The following CRYL1 variants were observed in gnomAD, a reference collection of about 807,000 sequenced individuals.
CRYL1 encodes the protein crystallin lambda 1, also known as lambda-crystallin homolog.
Under a neutral mutation model 36.6 loss-of-function variants are expected in CRYL1, and 29 were observed. The ratio of observed to expected loss-of-function variants is 0.79; its 90% CI spans 0.59 to 1.08. CRYL1 has a LOEUF of 1.08. Among genes scored for constraint, CRYL1 ranks in the 50% least tolerant of loss-of-function variants. The pLI, the probability that CRYL1 is intolerant of heterozygous loss-of-function variation, is 0.00. For synonymous variants in CRYL1, 152 were observed against 151.5 expected, an observed-to-expected ratio of 1.00 and a Z score of -0.02; for missense variants, 411 against 407.9, an observed-to-expected ratio of 1.01 and a Z score of -0.06.
intron 2 of CRYL1, among the ~76,000 whole-genome samples, chr13:20,489,799 C>A (rs561145801): frequency 6.6e-6 from 1 of 152,114 alleles, no homozygotes; most frequent in South Asian, 2.1e-4. Context: ...TGGGTATAAA[C>A]CCAAAATAAT....
chr13:20,508,048 C>T (rs954441068), intron 2 of CRYL1, among the ~76,000 whole-genome samples: 4 of 150,734 alleles, frequency 2.7e-5, no homozygotes, highest in Admixed American at 6.6e-5. Flanking sequence ...GCCAATATGG[C>T]GAAACCCTGT....
intron 3 of CRYL1, among the ~76,000 whole-genome samples, chr13:20,467,997 C>CTGTAAGAT (rs1309387536): frequency 1.3e-5 from 2 of 152,118 alleles, no homozygotes; most frequent in South Asian, 4.1e-4. Context: ...TTGTGCTCTC[C>CTGTAAGAT]TCATGAGAAT....
Position 20,525,643 on chromosome 13 carries a change from C to G in CRYL1, c.41+111G>C. 2.2e-6 allele frequency: 2 copies of G among 900,686 alleles called. No homozygotes were observed. The highest frequency in any genetic ancestry group is 1.5e-6 in the Non-Finnish European group (1 of 682,884). The allele number at this position is 900,686 out of a possible 1,614,324, so 55.8% of individuals were successfully genotyped here. A position where few individuals can be genotyped will look rare whatever the true frequency, so the allele number is the denominator to read the frequency against. ...CGCAGGGCTTCGGAGGACCGGAGGC[C>G]GGGGCGGGGACAGCGACCCGGCGCC... On this transcript the variant is annotated intron_variant, in intron 1 of 7. Transcript: ENST00000298248. The surrounding 1 kb of genome is among the most constrained non-coding windows in gnomAD (Gnocchi z 4.3).
chr13:20,448,088 T>G (rs2032494394), intron 3 of CRYL1, among the ~76,000 whole-genome samples: 1 of 152,058 alleles, frequency 6.6e-6, no homozygotes, highest in Non-Finnish European at 1.5e-5. Flanking sequence ...ACATGCAACA[T>G]CGTATGGGTA....
At chr13:20,503,756 G>C (rs1197471210) in intron 2 of CRYL1, among the ~76,000 whole-genome samples, 1 of 152,164 alleles carries the variant, frequency 6.6e-6, no homozygotes, top group South Asian at 2.1e-4. Flanking sequence ...CAAATCAGGA[G>C]AACAGACCAA....
intron 4 of CRYL1, among the ~76,000 whole-genome samples, chr13:20,434,970 T>C (rs1593441989): frequency 6.6e-6 from 1 of 152,198 alleles, no homozygotes; most frequent in East Asian, 1.9e-4. Flanking sequence ...AGCCCCTCTA[T>C]CTCATCCTCC....
At chr13:20,485,190 T>C (rs2033371015) in intron 3 of CRYL1, among the ~76,000 whole-genome samples, 1 of 152,202 alleles carries the variant, frequency 6.6e-6, no homozygotes, top group African/African-American at 2.4e-5. Context: ...GCTAATGTTT[T>C]GTATTTTTAG....
rs575850035 is a variant in CRYL1 at position 20,485,153 on chromosome 13, A to G, written c.276+4217T>C. Among the ~76,000 whole-genome samples the G allele has an allele frequency of 2.6e-5, 4 of 152,134 alleles. No homozygotes were observed. The East Asian group carries it at 5.8e-4, about 22-fold the overall frequency. ...ATGCCTCAGCCTCTCAAGTAGCTGG[A>G]ATTACAGGCATACACCACCACGCCT... On this transcript the variant is annotated intron_variant, in intron 3 of 7. Coordinates refer to ENST00000298248, the MANE Select transcript of CRYL1 (RefSeq NM_015974.3).
intron 3 of CRYL1, among the ~76,000 whole-genome samples, chr13:20,487,559 A>G (rs1220288609): frequency 2.0e-5 from 3 of 152,228 alleles, no homozygotes; most frequent in African/African-American, 7.2e-5. Flanking sequence ...TAGAAATATT[A>G]TAATAATAGA....
intron 2 of CRYL1, among the ~76,000 whole-genome samples, chr13:20,508,642 C>G (rs553008966): frequency 6.6e-6 from 1 of 151,032 alleles, no homozygotes; most frequent in Admixed American, 6.6e-5. Flanking sequence ...GTCAGGAGAT[C>G]GAGACCATCC....
At chr13:20,462,351 T>C (rs1197497087) in intron 3 of CRYL1, among the ~76,000 whole-genome samples, 1 of 151,498 alleles carries the variant, frequency 6.6e-6, no homozygotes, top group African/African-American at 2.4e-5. Context: ...ACCAAATCTG[T>C]TGCCTGAAAA....
At chr13:20,418,767 A>G (rs1400011555) in intron 5 of CRYL1, 2 of 152,158 alleles carry the variant, frequency 1.3e-5, no homozygotes, top group Non-Finnish European at 2.9e-5. Context: ...TAACTTTACT[A>G]CTACTATCAC....
At chr13:20,505,564 G>A (rs774279688) in intron 2 of CRYL1, among the ~76,000 whole-genome samples, 27 of 152,196 alleles carry the variant, frequency 1.8e-4, no homozygotes, top group Non-Finnish European at 3.1e-4. Flanking sequence ...GACAGGAAAC[G>A]TGCCTGTTGC....
chr13:20,510,865 C>T (rs772569007), intron 2 of CRYL1, among the ~76,000 whole-genome samples: 14 of 151,594 alleles, frequency 9.2e-5, no homozygotes, highest in African/African-American at 1.9e-4. Flanking sequence ...GGGTTTATTA[C>T]GAGAATTTAA....
At chr13:20,504,057 G>A (rs1447396143) in intron 2 of CRYL1, among the ~76,000 whole-genome samples, 1 of 152,154 alleles carries the variant, frequency 6.6e-6, no homozygotes, top group Non-Finnish European at 1.5e-5. Flanking sequence ...TAAAGATGGC[G>A]ATTTCAGATA....
intron 1 of CRYL1, among the ~76,000 whole-genome samples, chr13:20,516,930 T>C (rs1472015074): frequency 6.6e-6 from 1 of 151,982 alleles, no homozygotes; most frequent in Non-Finnish European, 1.5e-5. Flanking sequence ...TTAAATTAGC[T>C]GGGTGTAGTG....
rs1169823939 is a variant in CRYL1 at position 20,435,374 on chromosome 13, G to GC, written c.439-3079dup. ...GGGGCCAGCGACTGGGCCCCACGCA[G>GC]CCCCCCAAAACAGACTTCCATTCAC... On this transcript the variant is annotated intron_variant, in intron 4 of 7. Transcript: ENST00000298248. The surrounding 1 kb of genome is among the most constrained non-coding windows in gnomAD (Gnocchi z 4.0). Among the ~76,000 whole-genome samples, 4 of 152,088 alleles carry GC rather than the reference G, an allele frequency of 2.6e-5. No homozygotes were observed. The highest frequency in any genetic ancestry group is 2.1e-4 in the South Asian group (1 of 4,828).
At position 20,484,343 on chromosome 13, in the gene CRYL1, G is replaced by A. The variant is rs921712137; in HGVS notation, c.276+5027C>T. 1.1e-4 allele frequency among the ~76,000 whole-genome samples: 16 copies of A among 152,238 alleles called. No individual in the cohort carries two copies. The East Asian group carries it at 1.9e-3, about 18-fold the overall frequency. Reference sequence around the variant, plus strand: ...GTGGTTGCAGCCCGGCAGAGGCTGCGGACTTTGGGAACCTCAGCTTTAATG... The same window carrying A: ...GTGGTTGCAGCCCGGCAGAGGCTGCAGACTTTGGGAACCTCAGCTTTAATG... On this transcript the variant is annotated intron_variant, in intron 3 of 7. Coordinates refer to ENST00000298248, the MANE Select transcript of CRYL1 (RefSeq NM_015974.3).
chr13:20,445,517 T>A (rs2032434251), intron 3 of CRYL1, among the ~76,000 whole-genome samples: 1 of 152,174 alleles, frequency 6.6e-6, no homozygotes, highest in South Asian at 2.1e-4. Context: ...CTAGCCTACC[T>A]GCCTTCTAGT....
Sources: gnomAD v4.1 joint callset for allele counts (sites outside exome capture counted in the v4.1 genomes callset) on GRCh38, gnomAD v4.1.1 for gene constraint, Gnocchi (gnomAD v3.1) non-coding constraint, MANE v1.5 for transcripts, NCBI Gene and HGNC (gene_info 2026-07-23, HGNC 2026-07-21) for gene names.